ARHGAP35: variants seen among roughly 807,000 people sequenced by gnomAD.
ARHGAP35 encodes the protein Rho GTPase activating protein 35.
A neutral mutation model predicts 111.1 loss-of-function variants in ARHGAP35; 15 were observed. The observed-to-expected ratio is 0.13, with a 90% CI of 0.09 to 0.21. The LOEUF is 0.21. Among genes scored for constraint, ARHGAP35 ranks in the 10% least tolerant of loss-of-function variants. The pLI is 1.00. For synonymous variants in ARHGAP35, 643 were observed against 710.3 expected, an observed-to-expected ratio of 0.91 and a Z score of 1.51; for missense variants, 1,262 against 1,873.0, an observed-to-expected ratio of 0.67 and a Z score of 6.02.
chr19:46,862,825 C>G, intron 1 of ARHGAP35, among the ~76,000 whole-genome samples: 1 of 152,072 alleles, frequency 6.6e-6, no homozygotes, highest in Non-Finnish European at 1.5e-5. Context: ...TGATTCAGCC[C>G]TCACCCTTCA....
intron 3 of ARHGAP35, among the ~76,000 whole-genome samples, chr19:46,959,644 C>T (rs1355782617): frequency 6.6e-6 from 1 of 150,616 alleles, no homozygotes; most frequent in Non-Finnish European, 1.5e-5. Context: ...GGGTGATCCA[C>T]CCGCCTCAGC....
At chr19:46,960,172 T>C (rs1039443411) in intron 3 of ARHGAP35, among the ~76,000 whole-genome samples, 1 of 152,020 alleles carries the variant, frequency 6.6e-6, no homozygotes, top group African/African-American at 2.4e-5. Flanking sequence ...GAATGTGTGC[T>C]TATGCCCTTT....
intron 3 of ARHGAP35, among the ~76,000 whole-genome samples, chr19:46,983,245 C>G (rs1488155701): frequency 1.3e-5 from 2 of 151,962 alleles, no homozygotes; most frequent in Non-Finnish European, 2.9e-5. Context: ...GGATTCAAAT[C>G]CCATCTGTGC....
At chr19:46,937,542 TC>T (rs1385520767) in intron 3 of ARHGAP35, 134 bp downstream of exon 3, 2 of 985,458 alleles carry the variant, frequency 2.0e-6, no homozygotes, top group Non-Finnish European at 3.0e-6. Flanking sequence ...AGCTGAGCAG[TC>T]CCAACAGTTG....
rs566785842 is a variant in ARHGAP35 at position 46,916,848 on chromosome 19, A to G, written c.-188-1640A>G. ...ACGTACATTATGGCCCTTCCCCTCA[A>G]AATACTAAGGTGTCAGTTTCCTAAA... On this transcript the variant is annotated intron_variant, in intron 1 of 6. Transcript: ENST00000672722. Among the ~76,000 whole-genome samples, 3 of 152,258 alleles carry G rather than the reference A, an allele frequency of 2.0e-5. No homozygotes were observed. In the South Asian group the frequency reaches 6.2e-4, roughly 32 times the overall value.
chr19:46,951,934 A>G (rs538330788), intron 3 of ARHGAP35, among the ~76,000 whole-genome samples: 2 of 152,230 alleles, frequency 1.3e-5, no homozygotes, highest in South Asian at 2.1e-4. Context: ...CTGAAGGGGG[A>G]TGGGGGATTA....
At chr19:46,867,341 TCTGCATTCTTA>T (rs1055416352) in intron 1 of ARHGAP35, among the ~76,000 whole-genome samples, 1 of 152,228 alleles carries the variant, frequency 6.6e-6, no homozygotes, top group African/African-American at 2.4e-5. Flanking sequence ...TCCTGATATC[TCTGCATTCTTA>T]CTTGGATGAT....
chr19:46,962,282 C>T (rs2056487976), intron 3 of ARHGAP35, among the ~76,000 whole-genome samples: 1 of 152,196 alleles, frequency 6.6e-6, no homozygotes, highest in Admixed American at 6.5e-5. Flanking sequence ...CACTGTCTTG[C>T]CATATGAGCA....
In ARHGAP35 at chr19:46,920,216, A is replaced by G. The variant is rs958271712; in HGVS notation, c.1541A>G (p.Lys514Arg). Residue 514 changes from lysine to arginine, a missense_variant, in exon 2 of 7, where the codon AAG becomes AGG. Lys to Arg is a conservative substitution (Grantham distance 26). Coordinates refer to ENST00000672722, the MANE Select transcript of ARHGAP35 (RefSeq NM_004491.5). This position sits in a 1 kb window ranked among gnomAD's most constrained non-coding sequence, Gnocchi z 7.0. ...YELELDAKPS[K>R]EKMGVIQDVL... ...CTGGAGCTGGATGCTAAGCCCAGCA[A>G]GGAGAAGATGGGTGTTATTCAGGAT... 6.2e-7 allele frequency: 1 copy of G among 1,613,900 alleles called. No homozygotes were observed. The highest frequency in any genetic ancestry group is 1.3e-5 in the African/African-American group (1 of 74,954).
chr19:46,927,592 G>A (rs1038761971), intron 2 of ARHGAP35, among the ~76,000 whole-genome samples: 1 of 152,140 alleles, frequency 6.6e-6, no homozygotes. Context: ...AAATAATAGA[G>A]GGCTGTGGCT....
chr19:46,920,628 C>G lies in ARHGAP35; in HGVS notation c.1953C>G (p.Phe651Leu). The stretch of plus-strand genomic sequence containing the variant: ...ATGTCAGGCTTCCTGTGAACTCTTT[C>G]CAGACGCCAACATTTCAGCCCCACG... ...EGNVRLPVNS[F>L]QTPTFQPHGC... Residue 651 changes from phenylalanine (F) to leucine (L), a missense_variant, in exon 2 of 7, where the codon TTC (phenylalanine) becomes TTG (leucine). Coordinates refer to ENST00000672722, the MANE Select transcript of ARHGAP35 (RefSeq NM_004491.5). This position sits in a 1 kb window ranked among gnomAD's most constrained non-coding sequence, Gnocchi z 7.0. 6.2e-7 allele frequency: 1 copy of G among 1,614,020 alleles called. No individual in the cohort carries two copies. The highest frequency in any genetic ancestry group is 8.5e-7 in the Non-Finnish European group (1 of 1,179,904).
intron 3 of ARHGAP35, among the ~76,000 whole-genome samples, chr19:46,974,017 A>T (rs964250047): frequency 6.6e-6 from 1 of 151,958 alleles, no homozygotes; most frequent in Non-Finnish European, 1.5e-5. Context: ...TTGAGACAGA[A>T]TCTCGCTCTG....
At chr19:46,906,255 G>A (rs1482626567) in intron 1 of ARHGAP35, among the ~76,000 whole-genome samples, 1 of 152,214 alleles carries the variant, frequency 6.6e-6, no homozygotes, top group Non-Finnish European at 1.5e-5. Context: ...GCTACAGTGA[G>A]CCATGATTGT....
Position 46,939,393 on chromosome 19 carries a change from A to G in ARHGAP35, c.3826+1985A>G, listed in dbSNP as rs1003467705. On this transcript the variant is annotated intron_variant, in intron 3 of 6. Transcript: ENST00000672722. ...TTTACATTTATTTATTTATTTATTT[A>G]TTTATTTATTTATTTATTTATTATT... 7.4e-5 allele frequency among the ~76,000 whole-genome samples: 11 copies of G among 149,534 alleles called. 1 individual carries two copies. Among genetic ancestry groups the G allele is most frequent in the Admixed American group, 2.0e-4 (3 of 14,960 alleles).
chr19:46,975,585 A>G (rs184357624), intron 3 of ARHGAP35, among the ~76,000 whole-genome samples: 4 of 152,254 alleles, frequency 2.6e-5, no homozygotes, highest in Non-Finnish European at 5.9e-5. Context: ...ATCCCTTTTT[A>G]CAAGAGGAAA....
At chr19:46,902,126 G>T (rs945355557) in intron 1 of ARHGAP35, among the ~76,000 whole-genome samples, 2 of 152,152 alleles carry the variant, frequency 1.3e-5, no homozygotes, top group Non-Finnish European at 2.9e-5. Flanking sequence ...GAGCTGATTT[G>T]ATTACTTAAA....
chr19:46,890,677 G>T (rs1039399097), intron 1 of ARHGAP35, among the ~76,000 whole-genome samples: 6 of 152,228 alleles, frequency 3.9e-5, no homozygotes, highest in Non-Finnish European at 4.4e-5. Flanking sequence ...GCATGAGAGG[G>T]TGTAACAGAT....
intron 1 of ARHGAP35, among the ~76,000 whole-genome samples, chr19:46,900,222 GTTT>G (rs373787596): frequency 7.8e-6 from 1 of 128,660 alleles, no homozygotes; most frequent in Non-Finnish European, 1.6e-5. Flanking sequence ...TGTTTTTTGG[GTTT>G]TTTTTTTTTT....
At chr19:46,975,182 T>C (rs2056573059) in intron 3 of ARHGAP35, among the ~76,000 whole-genome samples, 1 of 152,202 alleles carries the variant, frequency 6.6e-6, no homozygotes, top group Non-Finnish European at 1.5e-5. Context: ...AAGGGGCTTG[T>C]TAATGAGTAA....
Sources: gnomAD v4.1 joint callset for allele counts (sites outside exome capture counted in the v4.1 genomes callset) on GRCh38, gnomAD v4.1.1 for gene constraint, Gnocchi (gnomAD v3.1) non-coding constraint, MANE v1.5 for transcripts, NCBI Gene and HGNC (gene_info 2026-07-23, HGNC 2026-07-21) for gene names.